LRRC8A: variants seen among roughly 807,000 people sequenced by gnomAD.
LRRC8A encodes volume-regulated anion channel subunit LRRC8A.
In LRRC8A, 24 loss-of-function variants were observed where a neutral mutation model predicts 52.5. The ratio of observed to expected loss-of-function variants is 0.46; its 90% CI spans 0.33 to 0.64. The LOEUF (loss-of-function observed/expected upper bound fraction) is 0.64. LRRC8A is among the 30% of genes least tolerant of loss of function. LRRC8A has a pLI of 0.02. For synonymous variants in LRRC8A, 492 were observed against 494.2 expected, an observed-to-expected ratio of 1.00 and a Z score of 0.06; for missense variants, 677 against 1,094.7, an observed-to-expected ratio of 0.62 and a Z score of 5.38.
intron 3 of LRRC8A, among the ~76,000 whole-genome samples, 159 bp from the exon 4 acceptor site, chr9:128,915,937 A>C (rs1451110598): frequency 6.6e-6 from 1 of 152,196 alleles, no homozygotes; most frequent in Non-Finnish European, 1.5e-5. Flanking sequence ...CCTGGTGCAC[A>C]GGCAGATGTT....
At position 128,907,230 on chromosome 9, in the gene LRRC8A, G is replaced by A. The variant is rs367778001; in HGVS notation, c.66G>A (p.Pro22=). The A allele has an allele frequency of 2.9e-5, 47 of 1,613,766 alleles. No individual in the cohort carries two copies. The Admixed American group carries it at 6.2e-4, about 21-fold the overall frequency. ...AGCCAGCATACCGGATCCTGAAGCC[G>A]TGGTGGGATGTGTTCACAGACTACA... ...DTQPAYRILK[P]WWDVFTDYIS... The change falls in exon 3 of 4, where the codon CCG becomes CCA. Residue 22 remains proline, a synonymous_variant. Coordinates refer to ENST00000372600, the MANE Select transcript of LRRC8A (RefSeq NM_019594.4). The surrounding 1 kb of genome is among the most constrained non-coding windows in gnomAD (Gnocchi z 9.3).
chr9:128,906,825 A>G (rs1372636739), intron 2 of LRRC8A, among the ~76,000 whole-genome samples: 1 of 152,128 alleles, frequency 6.6e-6, no homozygotes, highest in Non-Finnish European at 1.5e-5. Context: ...GGAGTTCCCG[A>G]TTGCTCTTAC....
intron 2 of LRRC8A, among the ~76,000 whole-genome samples, chr9:128,904,347 C>G (rs569910176): frequency 6.6e-6 from 1 of 151,974 alleles, no homozygotes; most frequent in Non-Finnish European, 1.5e-5. Context: ...GGCGAAATTC[C>G]GTTTCTACTA....
In LRRC8A at chr9:128,917,446, G is replaced by A. The variant is rs145750669; in HGVS notation, c.*1075G>A. 3.9e-5 allele frequency: 6 copies of A among 152,606 alleles called. No homozygotes were observed. The highest frequency in any genetic ancestry group is 2.1e-4 in the South Asian group (1 of 4,826). The allele number at this position is 152,606 out of a possible 1,614,324, so 9.5% of individuals were successfully genotyped here. ...AGGAGACTCGGGTTGGCTAATCCCC[G>A]GATGAACGGTGCTCCATTCGCACCT... On this transcript the variant is annotated 3_prime_UTR_variant, in exon 4 of 4. Transcript: ENST00000372600.
chr9:128,894,425 A>G (rs1477428966), intron 2 of LRRC8A, among the ~76,000 whole-genome samples: 1 of 151,592 alleles, frequency 6.6e-6, no homozygotes, highest in Non-Finnish European at 1.5e-5. Flanking sequence ...CAGAGCTTGC[A>G]GTGAGCAGAG....
chr9:128,906,826 T>C (rs1840271558), intron 2 of LRRC8A, among the ~76,000 whole-genome samples: 1 of 152,194 alleles, frequency 6.6e-6, no homozygotes, highest in Non-Finnish European at 1.5e-5. Context: ...GAGTTCCCGA[T>C]TGCTCTTACT....
chr9:128,888,688 G>A (rs764226968), intron 2 of LRRC8A, among the ~76,000 whole-genome samples: 2 of 152,088 alleles, frequency 1.3e-5, no homozygotes, highest in Non-Finnish European at 2.9e-5. Flanking sequence ...GCGGGGCTGC[G>A]AGAGCGTCTG....
chr9:128,904,738 T>C (rs1002842753), intron 2 of LRRC8A, among the ~76,000 whole-genome samples: 3 of 151,960 alleles, frequency 2.0e-5, no homozygotes, highest in African/African-American at 7.3e-5. Context: ...TTCACACCTG[T>C]AATCCCAGTA....
chr9:128,915,984 GC>G (rs1840796816), intron 3 of LRRC8A, 111 bp from the exon 4 acceptor site: 2 of 1,304,784 alleles, frequency 1.5e-6, no homozygotes, highest in Admixed American at 4.3e-5. Flanking sequence ...GATGCTGGGG[GC>G]CTGGGGATCA....
rs1588235620 is a variant in LRRC8A at position 128,916,089 on chromosome 9, C to T, written c.2158-7C>T. ...CCTCACTCTCACCCCTGCTTTTTTC[C>T]CTCCAGATCGAGACGCTCCCTCCGG... On this transcript the variant is annotated splice_region_variant and splice_polypyrimidine_tract_variant and intron_variant, in intron 3 of 3. Transcript: ENST00000372600. This position sits in a 1 kb window ranked among gnomAD's most constrained non-coding sequence, Gnocchi z 6.1. The T allele has an allele frequency of 6.3e-7, 1 of 1,592,356 alleles. No individual in the cohort carries two copies. The highest frequency in any genetic ancestry group is 2.3e-5 in the East Asian group (1 of 44,436).
At chr9:128,898,562 G>A (rs189351134) in intron 2 of LRRC8A, among the ~76,000 whole-genome samples, 6 of 152,352 alleles carry the variant, frequency 3.9e-5, no homozygotes, top group Admixed American at 3.9e-4. Context: ...GGCCTATTTT[G>A]CTCTCCACTT....
chr9:128,909,108 C>A lies in LRRC8A; in HGVS notation c.1944C>A (p.Tyr648Ter). 1 of 1,614,186 alleles carries A rather than the reference C, an allele frequency of 6.2e-7. No homozygotes were observed. Among genetic ancestry groups the A allele is most frequent in the Non-Finnish European group, 8.5e-7 (1 of 1,180,038 alleles). ...GCCTCACCTGCCTTAAGCTGTGGTA[C>A]AACCACATCGCCTACATCCCCATCC... ...LHRLTCLKLWYNHIAYIPIQI... is the reference protein window; with the variant it reads ...LHRLTCLKLW The change falls in exon 3 of 4, where the codon TAC becomes TAA. Residue 648 changes from tyrosine (Y) to a stop codon, truncating the protein, a stop_gained. Transcript: ENST00000372600. LOFTEE classifies it high-confidence loss of function.
intron 2 of LRRC8A, among the ~76,000 whole-genome samples, chr9:128,897,026 A>G (rs1839847484): frequency 6.6e-6 from 1 of 151,828 alleles, no homozygotes; most frequent in Non-Finnish European, 1.5e-5. Context: ...GCCCGGCTGT[A>G]TTCTGGATAT....
chr9:128,883,799 C>T (rs1394166967), intron 1 of LRRC8A, among the ~76,000 whole-genome samples: 1 of 152,162 alleles, frequency 6.6e-6, no homozygotes, highest in Non-Finnish European at 1.5e-5. Flanking sequence ...ATAGTGAAAC[C>T]TTGTCTCTAC....
At chr9:128,904,976 C>T (rs1840182898) in intron 2 of LRRC8A, among the ~76,000 whole-genome samples, 1 of 122,504 alleles carries the variant, frequency 8.2e-6, no homozygotes. Context: ...CCAGCCTAGG[C>T]AACAGAGCGA....
intron 1 of LRRC8A, among the ~76,000 whole-genome samples, chr9:128,884,818 G>C (rs1839325019): frequency 6.6e-6 from 1 of 152,056 alleles, no homozygotes. Context: ...TATAGCTGTA[G>C]GTACTTTACT....
intron 1 of LRRC8A, chr9:128,883,045 G>A (rs1839174030): frequency 2.9e-6 from 1 of 345,678 alleles, no homozygotes; most frequent in African/African-American, 2.1e-5. Flanking sequence ...GAGGTCTGCC[G>A]GTTCTCAGCT....
intron 3 of LRRC8A, among the ~76,000 whole-genome samples, chr9:128,913,534 A>G (rs1259488507): frequency 6.6e-6 from 1 of 152,042 alleles, no homozygotes; most frequent in Non-Finnish European, 1.5e-5. Context: ...GAGCCGAGCA[A>G]CTGAGAGTAC....
In LRRC8A at chr9:128,916,324, C is replaced by G; in HGVS notation, c.2386C>G (p.Pro796Ala). The G allele has an allele frequency of 4.3e-6, 7 of 1,612,552 alleles. No homozygotes were observed. The highest frequency in any genetic ancestry group is 5.9e-6 in the Non-Finnish European group (7 of 1,179,932). The change falls in exon 4 of 4, where the codon CCC becomes GCC. Residue 796 changes from proline (P) to alanine (A), a missense_variant. Pro to Ala is a conservative substitution (Grantham distance 27, BLOSUM62 -1). Coordinates refer to ENST00000372600, the MANE Select transcript of LRRC8A (RefSeq NM_019594.4). This position sits in a 1 kb window ranked among gnomAD's most constrained non-coding sequence, Gnocchi z 6.1. ...GGAGGACCTGTTCAACACACTGCCA[C>G]CCGAGGTGAAGGAGCGGCTGTGGAG... ...VEEDLFNTLP[P>A]EVKERLWRAD...
Sources: allele counts gnomAD v4.1 joint callset (sites outside exome capture counted in the v4.1 genomes callset), GRCh38; gene constraint gnomAD v4.1.1; non-coding constraint Gnocchi (gnomAD v3.1); transcripts MANE v1.5; gene names NCBI Gene and HGNC (gene_info 2026-07-23, HGNC 2026-07-21).